MS4A4A: variants seen among roughly 807,000 people sequenced by gnomAD.
MS4A4A encodes membrane spanning 4-domains A4A.
MS4A4A carries 26 observed loss-of-function variants against 28.0 expected under a neutral mutation model. The observed-to-expected ratio is 0.93, with a 90% CI of 0.68 to 1.29. MS4A4A has a LOEUF of 1.29. MS4A4A is among the 50% of genes most tolerant of loss of function. The pLI is 0.00. For synonymous variants in MS4A4A, 86 were observed against 100.8 expected (o/e 0.85, Z 0.88); for missense variants, 290 against 293.1 (o/e 0.99, Z 0.08).
intron 1 of MS4A4A, among the ~76,000 whole-genome samples, chr11:60,281,381 C>T (rs1442791395): frequency 1.3e-5 from 2 of 152,134 alleles, no homozygotes; most frequent in Non-Finnish European, 2.9e-5. Context: ...AATCTTTCCC[C>T]AGATGAAGTA....
chr11:60,297,733 A>G (rs1390324401), intron 3 of MS4A4A, among the ~76,000 whole-genome samples: 2 of 152,204 alleles, frequency 1.3e-5, no homozygotes. Context: ...AACTTTTGGT[A>G]AATATTTCAT....
chr11:60,297,402 C>A, intron 3 of MS4A4A, 77 bp downstream of exon 3: 3 of 1,496,696 alleles, frequency 2.0e-6, no homozygotes, highest in South Asian at 1.2e-5. Context: ...GAATCCTATT[C>A]TAACCGTATC....
Position 60,292,367 on chromosome 11 carries a change from G to GA in MS4A4A, c.186dup (p.Pro63ThrfsTer17). On this transcript the variant is annotated frameshift_variant, in exon 2 of 7. Transcript: ENST00000337908. LOFTEE classifies it high-confidence loss of function. ...ATTGCAAGAGAAGTTCTTGAAGGGA[G>GA]AACCCAAAGTCCTTGGGGTAAGTTG... 1 of 1,599,238 alleles carries GA rather than the reference G, an allele frequency of 6.3e-7. No homozygotes were observed. The highest frequency in any genetic ancestry group is 8.5e-7 in the Non-Finnish European group (1 of 1,174,330).
In MS4A4A at chr11:60,297,561, T is replaced by C. The variant is rs146942298; in HGVS notation, c.330+236T>C. 2.8e-3 allele frequency among the ~76,000 whole-genome samples: 431 copies of C among 152,280 alleles called. 3 individuals carry two copies. Among genetic ancestry groups the C allele is most frequent in the African/African-American group, 0.01 (416 of 41,562 alleles). The stretch of plus-strand genomic sequence containing the variant: ...AGTTAGATATATTACAGCAGCACAT[T>C]GCCAAAGACCCAAACCAGAATGGCT... On this transcript the variant is annotated intron_variant, in intron 3 of 6. Coordinates refer to ENST00000337908, the MANE Select transcript of MS4A4A (RefSeq NM_148975.3).
intron 1 of MS4A4A, among the ~76,000 whole-genome samples, chr11:60,282,050 T>C (rs1013375094): frequency 1.3e-5 from 2 of 152,142 alleles, no homozygotes; most frequent in African/African-American, 4.8e-5. Context: ...GAGGAGGCAG[T>C]TATATGAATT....
At chr11:60,305,371 G>A (rs1160066167) in intron 5 of MS4A4A, among the ~76,000 whole-genome samples, 1 of 152,246 alleles carries the variant, frequency 6.6e-6, no homozygotes, top group African/African-American at 2.4e-5. Context: ...TAAAATCAGA[G>A]TGTTGGCAAG....
At chr11:60,306,719 A>G (rs903051962) in intron 6 of MS4A4A, among the ~76,000 whole-genome samples, 3 of 152,254 alleles carry the variant, frequency 2.0e-5, no homozygotes, top group Non-Finnish European at 2.9e-5. Context: ...CACAGTAGCT[A>G]CATAAAAGCT....
chr11:60,301,765 T>A (rs977900372), intron 4 of MS4A4A, among the ~76,000 whole-genome samples: 1 of 150,700 alleles, frequency 6.6e-6, no homozygotes, highest in African/African-American at 2.5e-5. Flanking sequence ...TTTTTGTTTG[T>A]TTTTTTTCTG....
intron 1 of MS4A4A, among the ~76,000 whole-genome samples, chr11:60,290,402 T>C (rs2084844769): frequency 6.6e-6 from 1 of 152,202 alleles, no homozygotes; most frequent in Non-Finnish European, 1.5e-5. Context: ...TCACCTGATT[T>C]ATAGAAATGT....
chr11:60,307,961 G>T, intron 6 of MS4A4A, 146 bp from the exon 7 acceptor site: 1 of 737,122 alleles, frequency 1.4e-6, no homozygotes, highest in Admixed American at 2.4e-5. Flanking sequence ...TCAAGAGAGT[G>T]ACTGAGAAAC....
chr11:60,297,805 A>G (rs529148614), intron 3 of MS4A4A, among the ~76,000 whole-genome samples: 8 of 152,176 alleles, frequency 5.3e-5, no homozygotes, highest in Non-Finnish European at 1.2e-4. Flanking sequence ...GGCTTGGACT[A>G]ATCAAGATTT....
At chr11:60,284,485 T>C (rs2084786373) in intron 1 of MS4A4A, among the ~76,000 whole-genome samples, 1 of 152,208 alleles carries the variant, frequency 6.6e-6, no homozygotes, top group Admixed American at 6.5e-5. Flanking sequence ...AAGAGGGGTC[T>C]ATATAATTGG....
chr11:60,307,182 T>C (rs1028388065), intron 6 of MS4A4A, among the ~76,000 whole-genome samples: 2 of 152,186 alleles, frequency 1.3e-5, no homozygotes, highest in Non-Finnish European at 2.9e-5. Context: ...AAAATAATCA[T>C]AGTTTGATGA....
At chr11:60,297,547 T>C (rs1455436818) in intron 3 of MS4A4A, among the ~76,000 whole-genome samples, 2 of 152,158 alleles carry the variant, frequency 1.3e-5, no homozygotes, top group African/African-American at 2.4e-5. Flanking sequence ...GTTAGATATA[T>C]TACAGCAGCA....
At position 60,306,708 on chromosome 11, in the gene MS4A4A, G is replaced by A. The variant is rs148596997; in HGVS notation, c.648+507G>A. ...GAGTGTCACCTTAGAACTCTGCCTC[G>A]CACAGTAGCTACATAAAAGCTCTTT... On this transcript the variant is annotated intron_variant, in intron 6 of 6. Coordinates refer to ENST00000337908, the MANE Select transcript of MS4A4A (RefSeq NM_148975.3). Among the ~76,000 whole-genome samples the A allele has an allele frequency of 1.4e-4, 22 of 152,258 alleles. No individual in the cohort carries two copies. The East Asian group carries it at 3.5e-3, about 24-fold the overall frequency.
Position 60,297,438 on chromosome 11 carries a change from G to A in MS4A4A, c.330+113G>A, listed in dbSNP as rs978083676. 1.1e-5 allele frequency: 13 copies of A among 1,200,448 alleles called. No homozygotes were observed. In the African/African-American group the frequency reaches 1.2e-4, roughly 11 times the overall value. 74.4% of individuals were successfully genotyped at this position (1,200,448 alleles called of 1,614,324 possible). On this transcript the variant is annotated intron_variant, in intron 3 of 6. Transcript: ENST00000337908. ...TTGTAATTCTGTAAATCTGAGAGTG[G>A]TATCTAACCATTTCTTACTCAATTT...
chr11:60,288,754 G>A (rs1170454385), intron 1 of MS4A4A, among the ~76,000 whole-genome samples: 1 of 152,184 alleles, frequency 6.6e-6, no homozygotes, highest in East Asian at 1.9e-4. Context: ...CGTGTCTGTG[G>A]CTTGGTCCTT....
At chr11:60,282,093 C>T (rs964744932) in intron 1 of MS4A4A, among the ~76,000 whole-genome samples, 1 of 152,134 alleles carries the variant, frequency 6.6e-6, no homozygotes, top group African/African-American at 2.4e-5. Context: ...GACAAAGCAC[C>T]AGCCTTGAAT....
In MS4A4A at chr11:60,308,267, C is replaced by A; in HGVS notation, c.*89C>A. On this transcript the variant is annotated 3_prime_UTR_variant, in exon 7 of 7. Transcript: ENST00000337908. ...CACATGAGAAATTACCAGTATCCAA[C>A]TTCGATACTGATAGACTTGTTGATA... is the stretch of plus-strand genomic sequence containing the variant. 1 of 1,133,412 alleles carries A rather than the reference C, an allele frequency of 8.8e-7. No homozygotes were observed. Among genetic ancestry groups the A allele is most frequent in the Non-Finnish European group, 1.3e-6 (1 of 751,020 alleles). 70.2% of individuals were successfully genotyped at this position (1,133,412 alleles called of 1,614,324 possible).
Sources: allele counts gnomAD v4.1 joint callset (sites outside exome capture counted in the v4.1 genomes callset), GRCh38; gene constraint gnomAD v4.1.1; transcripts MANE v1.5; gene names NCBI Gene and HGNC (gene_info 2026-07-23, HGNC 2026-07-21).